The following CLIP4 variants were observed in gnomAD, a reference collection of about 807,000 sequenced individuals.
CLIP4 encodes the protein CAP-Gly domain containing linker protein family member 4.
CLIP4 carries 47 observed loss-of-function variants against 73.1 expected under a neutral mutation model. The ratio of observed to expected loss-of-function variants is 0.64; its 90% confidence interval spans 0.51 to 0.82. The LOEUF is 0.82. Among genes scored for constraint, CLIP4 ranks in the 40% least tolerant of loss-of-function variants. The probability of loss-of-function intolerance (pLI) is 0.00; values close to 1 mark genes in which losing one functional copy is unlikely to be tolerated. For missense variants in CLIP4, 874 were observed against 852.9 expected, an observed-to-expected ratio of 1.02 and a Z score of -0.31; for synonymous variants, 306 against 295.4, an observed-to-expected ratio of 1.04 and a Z score of -0.37.
At chr2:29,165,736 G>A (rs1380448476) in intron 13 of CLIP4, among the ~76,000 whole-genome samples, 1 of 152,144 alleles carries the variant, frequency 6.6e-6, no homozygotes. Context: ...TGATTACTCA[G>A]AGTACATAGT....
intron 9 of CLIP4, among the ~76,000 whole-genome samples, chr2:29,154,384 G>A (rs1395247097): frequency 6.6e-6 from 1 of 152,096 alleles, no homozygotes; most frequent in African/African-American, 2.4e-5. Context: ...GCAGTCCTAC[G>A]TGGTATGGAT....
rs17749904 is a variant in CLIP4 at position 29,133,701 on chromosome 2, G to C, written c.414G>C (p.Leu138=). The change falls in exon 5 of 16, where the codon CTG becomes CTC. Residue 138 remains leucine (L), a synonymous_variant. Transcript: ENST00000320081. ...AVKFATQLID[L]GADISLRSRW... is the part of the protein sequence containing the mutation. Reference sequence around the variant, plus strand: ...AATTTGCAACTCAGCTTATTGACCTGGGAGCAGACATTAGTTTGCGGAGTC... The same window carrying C: ...AATTTGCAACTCAGCTTATTGACCTCGGAGCAGACATTAGTTTGCGGAGTC... The C allele has an allele frequency of 0.21, 332,230 of 1,612,820 alleles. 36,902 individuals carry two copies. Among genetic ancestry groups the C allele is most frequent in the South Asian group, 0.25 (22,501 of 90,836 alleles).
rs777223042 is a variant in CLIP4, at chr2:29,143,741, T to G, written c.681T>G (p.Val227=). 4.3e-6 allele frequency: 7 copies of G among 1,613,734 alleles called. No homozygotes were observed. The East Asian group carries it at 1.6e-4, about 36-fold the overall frequency. ...NDKGQIPADV[V]PDPVDMPLEM... is the part of the protein sequence containing the mutation. Reference sequence around the variant, plus strand: ...AAGGACAGATCCCTGCTGATGTTGTTCCAGACCCAGTAGATATGCCGTTAG... The same window carrying G: ...AAGGACAGATCCCTGCTGATGTTGTGCCAGACCCAGTAGATATGCCGTTAG... Residue 227 remains valine, a synonymous_variant, in exon 7 of 16, where the codon GTT becomes GTG. Transcript: ENST00000320081.
intron 2 of CLIP4, among the ~76,000 whole-genome samples, chr2:29,123,219 A>G (rs1438719857): frequency 6.6e-6 from 1 of 152,128 alleles, no homozygotes; most frequent in Non-Finnish European, 1.5e-5. Context: ...CCAGTTTCTC[A>G]TTGTCAGGAT....
intron 2 of CLIP4, among the ~76,000 whole-genome samples, chr2:29,125,650 C>T (rs1469380515): frequency 6.6e-6 from 1 of 152,190 alleles, no homozygotes; most frequent in Non-Finnish European, 1.5e-5. Context: ...TGGAGACTCC[C>T]TCAAGGCAGT....
At chr2:29,107,044 A>C (rs1668226594) in intron 1 of CLIP4, among the ~76,000 whole-genome samples, 1 of 152,180 alleles carries the variant, frequency 6.6e-6, no homozygotes, top group South Asian at 2.1e-4. Context: ...GTACCAGCTA[A>C]TTAGTCTGTC....
intron 2 of CLIP4, among the ~76,000 whole-genome samples, chr2:29,125,545 C>T (rs751981503): frequency 3.3e-5 from 5 of 152,042 alleles, no homozygotes; most frequent in Admixed American, 6.6e-5. Flanking sequence ...TTCAACTCAG[C>T]GAGTCCAGAC....
At chr2:29,177,375 C>T (rs891511474) in intron 15 of CLIP4, among the ~76,000 whole-genome samples, 6 of 148,322 alleles carry the variant, frequency 4.0e-5, no homozygotes, top group African/African-American at 1.5e-4. Context: ...TGCCACTGCA[C>T]TCTATCCTGG....
At position 29,174,432 on chromosome 2, in the gene CLIP4, A is replaced by T. The variant is rs140026709; in HGVS notation, c.1783A>T (p.Asn595Tyr). Reference sequence around the variant, plus strand: ...TTCCCAAAAGGAGATTAACAGAAGAAATGCTTTTTCCAAGTGAGTATTAAG... The same window carrying T: ...TTCCCAAAAGGAGATTAACAGAAGATATGCTTTTTCCAAGTGAGTATTAAG... ...ASSQKEINRRNAFSKSKAALR... is the reference protein window; with the variant it reads ...ASSQKEINRRYAFSKSKAALR... The change falls in exon 15 of 16, where the codon AAT becomes TAT. Residue 595 changes from asparagine to tyrosine, a missense_variant. By Grantham distance (143) the Asn-to-Tyr change is moderately radical. Coordinates refer to ENST00000320081, the MANE Select transcript of CLIP4 (RefSeq NM_024692.6). The T allele has an allele frequency of 4.3e-6, 7 of 1,611,956 alleles. No individual in the cohort carries two copies. Among genetic ancestry groups the T allele is most frequent in the Non-Finnish European group, 5.9e-6 (7 of 1,179,622 alleles).
chr2:29,105,531 C>G (rs958301029), intron 1 of CLIP4, among the ~76,000 whole-genome samples: 14 of 152,184 alleles, frequency 9.2e-5, no homozygotes, highest in South Asian at 2.1e-4. Flanking sequence ...AGAGGGCAGC[C>G]TCTCCATCTC....
chr2:29,173,570 G>A (rs1668148840), intron 14 of CLIP4, among the ~76,000 whole-genome samples: 1 of 152,188 alleles, frequency 6.6e-6, no homozygotes, highest in Non-Finnish European at 1.5e-5. Flanking sequence ...GGAGGCCTCT[G>A]ATGGTTTCCC....
chr2:29,124,631 A>AT (rs1377562751), intron 2 of CLIP4, among the ~76,000 whole-genome samples: 9 of 151,654 alleles, frequency 5.9e-5, no homozygotes, highest in Admixed American at 5.3e-4. Context: ...ATATTTAAAC[A>AT]TTTTTTTCTC....
Position 29,182,259 on chromosome 2 carries a change from T to C in CLIP4, c.*366T>C, listed in dbSNP as rs762902089. On this transcript the variant is annotated 3_prime_UTR_variant, in exon 16 of 16. Coordinates refer to ENST00000320081, the MANE Select transcript of CLIP4 (RefSeq NM_024692.6). ...GTGCCCTAATTGTGAAGGGTTTCTC[T>C]AGCTTTGGTTATGTGTAATGTTCAC... 8 of 163,764 alleles carry C rather than the reference T, an allele frequency of 4.9e-5. No homozygotes were observed. The highest frequency in any genetic ancestry group is 1.2e-4 in the Admixed American group (2 of 16,112). The allele number at this position is 163,764 out of a possible 1,614,324, so 10.1% of individuals were successfully genotyped here.
intron 6 of CLIP4, among the ~76,000 whole-genome samples, chr2:29,140,226 C>T (rs1172444309): frequency 6.6e-6 from 1 of 152,110 alleles, no homozygotes; most frequent in Non-Finnish European, 1.5e-5. Context: ...CTATCCCTCC[C>T]CTCTCCTCCC....
intron 13 of CLIP4, 121 bp downstream of exon 13, chr2:29,164,075 G>A: frequency 1.2e-6 from 1 of 830,372 alleles, no homozygotes; most frequent in East Asian, 2.7e-5. Context: ...CTTTCAAGGG[G>A]TTAACCAACC....
chr2:29,114,797 TG>T (rs1458399278), upstream of CLIP4: 1 of 152,356 alleles, frequency 6.6e-6, no homozygotes, highest in Non-Finnish European at 1.5e-5. Flanking sequence ...AGCTGATAGA[TG>T]TAACACTGTT....
intron 11 of CLIP4, 120 bp from the exon 12 acceptor site, chr2:29,160,213 A>G (rs1368857375): frequency 8.1e-7 from 1 of 1,229,998 alleles, no homozygotes; most frequent in Non-Finnish European, 1.2e-6. Flanking sequence ...TCACCAACTA[A>G]CTAGACTAGT....
intron 9 of CLIP4, among the ~76,000 whole-genome samples, chr2:29,153,376 TA>T (rs1558558200): frequency 6.6e-6 from 1 of 152,194 alleles, no homozygotes; most frequent in Non-Finnish European, 1.5e-5. Flanking sequence ...TGTCTCATGC[TA>T]TTTATCTGTG....
intron 8 of CLIP4, among the ~76,000 whole-genome samples, chr2:29,149,893 G>C (rs544592658): frequency 6.6e-6 from 1 of 152,104 alleles, no homozygotes. Context: ...ATTTATTATT[G>C]ATAGTGAAGT....
Sources: gnomAD v4.1 joint callset for allele counts (sites outside exome capture counted in the v4.1 genomes callset) on GRCh38, gnomAD v4.1.1 for gene constraint, MANE v1.5 for transcripts, NCBI Gene and HGNC (gene_info 2026-07-23, HGNC 2026-07-21) for gene names.